CETP: variants seen among roughly 807,000 people sequenced by gnomAD.
CETP encodes cholesteryl ester transfer protein.
CETP carries 56 observed loss-of-function variants against 66.5 expected under a neutral mutation model. The ratio of observed to expected loss-of-function variants is 0.84; its 90% CI spans 0.68 to 1.05. The LOEUF is 1.05. CETP is among the 50% of genes least tolerant of loss of function. CETP has a pLI of 0.00. For synonymous variants in CETP, 251 were observed against 245.7 expected, an observed-to-expected ratio of 1.02 and a Z score of -0.20; for missense variants, 612 against 609.6, an observed-to-expected ratio of 1.00 and a Z score of -0.04.
Position 56,971,454 on chromosome 16 carries a change from G to A in CETP, c.658+73G>A, listed in dbSNP as rs879242785. On this transcript the variant is annotated intron_variant, in intron 7 of 15. Coordinates refer to ENST00000200676, the MANE Select transcript of CETP (RefSeq NM_000078.3). ...AGAAAGCCACCTGCTGCACTATGTGGCCTTGGGACTGTCACTCTTCCTGTC... is the reference window on the plus strand; with the variant it reads ...AGAAAGCCACCTGCTGCACTATGTGACCTTGGGACTGTCACTCTTCCTGTC... The A allele has an allele frequency of 7.1e-5, 94 of 1,321,824 alleles. 2 individuals carry two copies. In the South Asian group the frequency reaches 1.0e-3, roughly 14 times the overall value. The allele number at this position is 1,321,824 out of a possible 1,614,324, so 81.9% of individuals were successfully genotyped here.
In CETP at chr16:56,978,442, C is replaced by T. The variant is rs12708979; in HGVS notation, c.1146+187C>T. 5.5e-3 allele frequency among the ~76,000 whole-genome samples: 838 copies of T among 152,230 alleles called. 4 individuals are homozygous for T. Among genetic ancestry groups the T allele is most frequent in the African/African-American group, 0.019 (779 of 41,538 alleles). The stretch of plus-strand genomic sequence containing the variant: ...CATGCAAGTAACGAGGGGGTACACA[C>T]GTGGTTTCCACAGCTTAGGTAATAT... On this transcript the variant is annotated intron_variant, in intron 11 of 15. Coordinates refer to ENST00000200676, the MANE Select transcript of CETP (RefSeq NM_000078.3).
chr16:56,963,612 T>C (rs752399490), intron 2 of CETP, among the ~76,000 whole-genome samples: 6 of 152,184 alleles, frequency 3.9e-5, no homozygotes, highest in Non-Finnish European at 7.3e-5. Flanking sequence ...CAAGGGTCGG[T>C]TGTGGGCCAG....
intron 5 of CETP, among the ~76,000 whole-genome samples, chr16:56,970,651 T>A (rs868170144): frequency 2.6e-5 from 4 of 152,352 alleles, no homozygotes; most frequent in Non-Finnish European, 5.9e-5. Flanking sequence ...GAGTCCCTAG[T>A]CATGTTACCA....
intron 4 of CETP, 38 bp downstream of exon 4, chr16:56,969,719 A>G (rs1160005842): frequency 6.2e-7 from 1 of 1,609,450 alleles, no homozygotes; most frequent in South Asian, 1.1e-5. Flanking sequence ...TGGGAGCTGG[A>G]CTCCAGGGCT....
chr16:56,981,691 T>C lies in CETP; in HGVS notation c.1248+11T>C. The C allele has an allele frequency of 1.2e-6, 2 of 1,613,718 alleles. No homozygotes were observed. The highest frequency in any genetic ancestry group is 1.7e-6 in the Non-Finnish European group (2 of 1,179,622). ...TCCAACTTGACTGAGGTAGGTAGTC[T>C]TGGATAGACTGGGGGAAATAAGTCC... On this transcript the variant is annotated intron_variant, in intron 13 of 15. Coordinates refer to ENST00000200676, the MANE Select transcript of CETP (RefSeq NM_000078.3).
At position 56,962,012 on chromosome 16, in the gene CETP, G is replaced by A. The variant is rs1567467746; in HGVS notation, c.33G>A (p.Leu11=). 2.5e-6 allele frequency: 4 copies of A among 1,614,014 alleles called. No individual in the cohort carries two copies. The African/African-American group carries it at 4.0e-5, about 16-fold the overall frequency. ...CTGCCACAGTCCTGACCCTGGCCCT[G>A]CTGGGCAATGCCCATGCCTGCTCCA... MLAATVLTLA[L]LGNAHACSKG... is the part of the protein sequence containing the mutation. Residue 11 remains leucine (L), a synonymous_variant, in exon 1 of 16, where the codon CTG becomes CTA. Transcript: ENST00000200676.
At chr16:56,963,990 T>TTTTATTTATTTA (rs60705829) in intron 2 of CETP, among the ~76,000 whole-genome samples, 3 of 132,364 alleles carry the variant, frequency 2.3e-5, no homozygotes, top group Non-Finnish European at 3.2e-5. Context: ...TTAATCTTTA[T>TTTTATTTATTTA]TTTATTTATT....
Position 56,982,076 on chromosome 16 carries a change from GATGA to G in CETP, c.1249-85_1249-82del. 1.6e-6 allele frequency: 2 copies of G among 1,225,522 alleles called. 1 individual carries two copies. 75.9% of individuals were successfully genotyped at this position (1,225,522 alleles called of 1,614,324 possible). A position where few individuals can be genotyped will look rare whatever the true frequency, so the allele number is the denominator to read the frequency against. On this transcript the variant is annotated intron_variant, in intron 13 of 15. Coordinates refer to ENST00000200676, the MANE Select transcript of CETP (RefSeq NM_000078.3). ...TATTTTTTTCACGGATGGGCATGAG[GATGA>G]ATGCTTGTCCAGGCCGTGCAGCATC...
intron 4 of CETP, 35 bp downstream of exon 4, chr16:56,969,716 T>C: frequency 6.2e-7 from 1 of 1,610,460 alleles, no homozygotes; most frequent in Non-Finnish European, 8.5e-7. Flanking sequence ...AAGTGGGAGC[T>C]GGACTCCAGG....
intron 1 of CETP, among the ~76,000 whole-genome samples, chr16:56,962,776 A>AT: frequency 6.6e-6 from 1 of 152,266 alleles, no homozygotes; most frequent in East Asian, 1.9e-4. Context: ...GTCAGGATCC[A>AT]GAGGCTAGGG....
chr16:56,963,983 AT>A (rs1364417948), intron 2 of CETP, among the ~76,000 whole-genome samples: 1 of 140,904 alleles, frequency 7.1e-6, no homozygotes, highest in Non-Finnish European at 1.5e-5. Context: ...ATCTATCTTA[AT>A]CTTTATTTTA....
intron 13 of CETP, among the ~76,000 whole-genome samples, 200 bp from the exon 14 acceptor site, chr16:56,981,965 C>A (rs1326872918): frequency 6.6e-6 from 1 of 152,154 alleles, no homozygotes; most frequent in Non-Finnish European, 1.5e-5. Context: ...GTGGAATGGG[C>A]TAGCAATCCT....
At chr16:56,972,180 T>A (rs773035518) in intron 8 of CETP, 97 bp downstream of exon 8, 2 of 905,132 alleles carry the variant, frequency 2.2e-6, no homozygotes, top group Non-Finnish European at 3.5e-6. Flanking sequence ...TTCAACCTTA[T>A]GGCAGCCAAG....
At chr16:56,982,938 TA>T (rs1365584126) in intron 14 of CETP, among the ~76,000 whole-genome samples, 3 of 152,192 alleles carry the variant, frequency 2.0e-5, no homozygotes, top group Non-Finnish European at 4.4e-5. Flanking sequence ...GGATGTGGAT[TA>T]AATGGTTCCT....
At chr16:56,978,983 G>A (rs548184160) in intron 11 of CETP, among the ~76,000 whole-genome samples, 2 of 152,138 alleles carry the variant, frequency 1.3e-5, no homozygotes, top group African/African-American at 4.8e-5. Context: ...GCGCTACCAC[G>A]CCTGACTAAT....
chr16:56,965,749 G>A (rs1189452167), intron 2 of CETP, among the ~76,000 whole-genome samples: 1 of 152,136 alleles, frequency 6.6e-6, no homozygotes, highest in Non-Finnish European at 1.5e-5. Flanking sequence ...AGTTCAGCAA[G>A]GGTAGAGGGA....
intron 11 of CETP, among the ~76,000 whole-genome samples, chr16:56,978,739 G>A (rs1442466082): frequency 6.6e-6 from 1 of 152,122 alleles, no homozygotes; most frequent in Non-Finnish European, 1.5e-5. Context: ...TCCTGCCTTG[G>A]CCTCCTAAGT....
intron 8 of CETP, 100 bp downstream of exon 8, chr16:56,972,183 C>T (rs1489800160): frequency 7.0e-6 from 6 of 857,256 alleles, no homozygotes; most frequent in Non-Finnish European, 1.1e-5. Context: ...AACCTTATGG[C>T]AGCCAAGAGT....
rs750709239 is a variant in CETP, at chr16:56,982,219, A to G, written c.1303A>G (p.Ile435Val). ...FLQSMITAVG[I>V]PEVMSRLEVV... ...GCAGTCAATGATCACCGCTGTGGGC[A>G]TCCCTGAGGTCATGTCTCGTAAGTG... The change falls in exon 14 of 16, where the codon ATC becomes GTC. Residue 435 changes from isoleucine to valine, a missense_variant. Physicochemically the swap from Ile to Val is conservative, Grantham distance 29. Coordinates refer to ENST00000200676, the MANE Select transcript of CETP (RefSeq NM_000078.3). 3 of 1,614,042 alleles carry G rather than the reference A, an allele frequency of 1.9e-6. No individual in the cohort carries two copies. Among genetic ancestry groups the G allele is most frequent in the African/African-American group, 1.3e-5 (1 of 74,920 alleles).
Sources: gnomAD v4.1 joint callset for allele counts (sites outside exome capture counted in the v4.1 genomes callset) on GRCh38, gnomAD v4.1.1 for gene constraint, MANE v1.5 for transcripts, NCBI Gene and HGNC (gene_info 2026-07-23, HGNC 2026-07-21) for gene names.